Variants in ABTB3 observed in about 807,000 individuals in gnomAD.
ABTB3 encodes ankyrin repeat and BTB domain containing 3, also known as ankyrin repeat- and BTB/POZ domain-containing protein 3.
At chr12:107,590,623 C>A in the ABTB3 span, among the ~76,000 whole-genome samples, 1 of 152,208 alleles carries the variant, frequency 6.6e-6, no homozygotes, top group Admixed American at 6.5e-5. Context: ...CTGCAGGCGG[C>A]AGACAGTTTG....
At chr12:107,456,720 C>T in the ABTB3 span, among the ~76,000 whole-genome samples, 1 of 152,124 alleles carries the variant, frequency 6.6e-6, no homozygotes, top group Non-Finnish European at 1.5e-5. Flanking sequence ...TGAAACCAGT[C>T]CCTGGTACCA....
At chr12:107,385,132 C>A in the ABTB3 span, among the ~76,000 whole-genome samples, 1 of 152,196 alleles carries the variant, frequency 6.6e-6, no homozygotes, top group Non-Finnish European at 1.5e-5. Flanking sequence ...TCGAAGGCAG[C>A]CATTCATTCA....
the ABTB3 span, among the ~76,000 whole-genome samples, chr12:107,404,162 C>CAAAAA: frequency 6.2e-4 from 25 of 40,226 alleles, no homozygotes; most frequent in Admixed American, 2.1e-3. Flanking sequence ...GACTCTAACT[C>CAAAAA]AAAAAAAAAA....
chr12:107,546,429 A>C, the ABTB3 span, among the ~76,000 whole-genome samples: 4 of 151,758 alleles, frequency 2.6e-5, no homozygotes, highest in South Asian at 8.4e-4. Context: ...CTTGACTAGC[A>C]CTCCTTCCTC....
At chr12:107,624,613 C>A in the ABTB3 span, among the ~76,000 whole-genome samples, 3 of 152,112 alleles carry the variant, frequency 2.0e-5, no homozygotes, top group Non-Finnish European at 4.4e-5. Flanking sequence ...GGACTTTTGG[C>A]AGTCATCATA....
the ABTB3 span, among the ~76,000 whole-genome samples, chr12:107,618,836 C>T: frequency 1.1e-4 from 17 of 152,202 alleles, 1 homozygote; most frequent in Admixed American, 7.8e-4. Flanking sequence ...CCCAACTCCA[C>T]GAAGCAGTGC....
At chr12:107,520,535 G>A in the ABTB3 span, 21 of 1,614,068 alleles carry the variant, frequency 1.3e-5, no homozygotes, top group African/African-American at 8.0e-5. Flanking sequence ...GACCCACAGC[G>A]GTCAAACAAG....
the ABTB3 span, among the ~76,000 whole-genome samples, chr12:107,653,326 C>T: frequency 6.6e-6 from 1 of 152,058 alleles, no homozygotes; most frequent in Non-Finnish European, 1.5e-5. Flanking sequence ...ACCATCCTGG[C>T]AAACACGGTG....
the ABTB3 span, among the ~76,000 whole-genome samples, chr12:107,575,318 T>C: frequency 6.6e-6 from 1 of 151,908 alleles, no homozygotes; most frequent in Non-Finnish European, 1.5e-5. Flanking sequence ...AGAAGATGAG[T>C]GATGCTAAAA....
At chr12:107,417,268 C>G in the ABTB3 span, among the ~76,000 whole-genome samples, 1 of 152,186 alleles carries the variant, frequency 6.6e-6, no homozygotes, top group South Asian at 2.1e-4. Context: ...TATCCTAGAG[C>G]TGCCATAACA....
the ABTB3 span, among the ~76,000 whole-genome samples, chr12:107,361,627 A>G: frequency 7.2e-5 from 11 of 152,216 alleles, no homozygotes; most frequent in Non-Finnish European, 1.2e-4. Context: ...AGTGACAACC[A>G]TTGAGGTTTG....
the ABTB3 span, among the ~76,000 whole-genome samples, chr12:107,470,870 A>G: frequency 6.6e-6 from 1 of 152,064 alleles, no homozygotes; most frequent in African/African-American, 2.4e-5. Context: ...CCGACACCTC[A>G]CCAGCCAGCT....
At chr12:107,562,255 A>T in the ABTB3 span, among the ~76,000 whole-genome samples, 1 of 152,266 alleles carries the variant, frequency 6.6e-6, no homozygotes, top group Non-Finnish European at 1.5e-5. Context: ...TAATACAAAT[A>T]TCAGGCACAG....
At chr12:107,623,797 C>T in the ABTB3 span, among the ~76,000 whole-genome samples, 1 of 152,092 alleles carries the variant, frequency 6.6e-6, no homozygotes. Context: ...GCTTACTGAC[C>T]AAAAGCAAGA....
chr12:107,437,520 C>T, the ABTB3 span, among the ~76,000 whole-genome samples: 1 of 152,132 alleles, frequency 6.6e-6, no homozygotes, highest in African/African-American at 2.4e-5. Flanking sequence ...CTTCAGCCTC[C>T]CTAGTAGCTG....
At chr12:107,635,507 A>G in the ABTB3 span, 3 of 833,724 alleles carry the variant, frequency 3.6e-6, no homozygotes, top group Non-Finnish European at 5.6e-6. Flanking sequence ...CAAGGTCAGT[A>G]CAGGAGTCAG....
chr12:107,643,814 T>C, the ABTB3 span, among the ~76,000 whole-genome samples: 3 of 147,900 alleles, frequency 2.0e-5, no homozygotes, highest in South Asian at 6.5e-4. Flanking sequence ...TCCAGGTTGG[T>C]GTGTAGTGGC....
chr12:107,585,244 T>G, the ABTB3 span, among the ~76,000 whole-genome samples: 2 of 152,208 alleles, frequency 1.3e-5, no homozygotes, highest in Non-Finnish European at 2.9e-5. Context: ...GGGGGCTGTT[T>G]GAGCCACGAG....
At chr12:107,535,229 A>T in the ABTB3 span, among the ~76,000 whole-genome samples, 1 of 152,150 alleles carries the variant, frequency 6.6e-6, no homozygotes, top group Non-Finnish European at 1.5e-5. Context: ...GCATGTGACA[A>T]ATTCAACATC....
Sources: allele counts gnomAD v4.1 joint callset (sites outside exome capture counted in the v4.1 genomes callset), GRCh38; gene constraint gnomAD v4.1.1; transcripts MANE v1.5; gene names NCBI Gene and HGNC (gene_info 2026-07-23, HGNC 2026-07-21).